The following PCDH15 variants were observed in gnomAD, a reference collection of about 807,000 sequenced individuals.
PCDH15 encodes the protein protocadherin-15.
A neutral mutation model predicts 178.5 loss-of-function variants in PCDH15; 129 were observed. The ratio of observed to expected loss-of-function variants is 0.72; its 90% CI spans 0.63 to 0.84. The LOEUF (loss-of-function observed/expected upper bound fraction) is 0.84. Among genes scored for constraint, PCDH15 ranks in the 40% least tolerant of loss-of-function variants. The probability of loss-of-function intolerance (pLI) is 0.00; values close to 1 mark genes in which losing one functional copy is unlikely to be tolerated. For synonymous variants in PCDH15, 800 were observed against 732.0 expected, an observed-to-expected ratio of 1.09 and a Z score of -1.50; for missense variants, 2,230 against 2,099.9, an observed-to-expected ratio of 1.06 and a Z score of -1.21.
chr10:55,232,186 T>A (rs1311989903), intron 1 of PCDH15, among the ~76,000 whole-genome samples: 2 of 146,176 alleles, frequency 1.4e-5, no homozygotes, highest in Non-Finnish European at 3.1e-5. Context: ...GATGTTAAAC[T>A]TTTTTTAATA....
chr10:54,156,426 G>C (rs1024231180), intron 13 of PCDH15, among the ~76,000 whole-genome samples: 6 of 152,270 alleles, frequency 3.9e-5, no homozygotes, highest in Non-Finnish European at 8.8e-5. Context: ...TGCATCTTAT[G>C]TGGCGGCAGA....
At chr10:53,824,073 T>C (rs927628800) in intron 32 of PCDH15, among the ~76,000 whole-genome samples, 4 of 152,124 alleles carry the variant, frequency 2.6e-5, no homozygotes, top group African/African-American at 7.2e-5. Context: ...AGAAAAGATG[T>C]TGTCAGTAAT....
At chr10:53,943,475 C>G (rs12256780) in intron 23 of PCDH15, among the ~76,000 whole-genome samples, 1 of 148,890 alleles carries the variant, frequency 6.7e-6, no homozygotes, top group Non-Finnish European at 1.5e-5. Flanking sequence ...GTTTAAATCT[C>G]AAAAAAACAA....
At chr10:54,517,301 A>C (rs1386271011) in intron 3 of PCDH15, among the ~76,000 whole-genome samples, 3 of 152,070 alleles carry the variant, frequency 2.0e-5, no homozygotes, top group African/African-American at 2.4e-5. Context: ...TCAGTGTGCT[A>C]TATTCAGGAA....
intron 1 of PCDH15, among the ~76,000 whole-genome samples, chr10:55,313,863 A>G (rs1346865907): frequency 1.3e-5 from 2 of 152,150 alleles, no homozygotes; most frequent in Admixed American, 1.3e-4. Flanking sequence ...GTGTATACCT[A>G]TAAAAATATG....
At chr10:54,697,674 G>GGGAAGGGA (rs201579413) in intron 1 of PCDH15, among the ~76,000 whole-genome samples, 5 of 123,288 alleles carry the variant, frequency 4.1e-5, no homozygotes, top group Admixed American at 1.7e-4. Context: ...AAGGGGGAAG[G>GGGAAGGGA]GGAAGGGAGG....
intron 1 of PCDH15, among the ~76,000 whole-genome samples, chr10:54,695,339 C>G (rs2095205586): frequency 6.6e-6 from 1 of 152,132 alleles, no homozygotes; most frequent in African/African-American, 2.4e-5. Context: ...CCTTAACTCT[C>G]TTAAATTCTG....
chr10:54,092,387 TC>T (rs2094613271), intron 15 of PCDH15, among the ~76,000 whole-genome samples: 1 of 152,174 alleles, frequency 6.6e-6, no homozygotes, highest in African/African-American at 2.4e-5. Context: ...TACTTGTTTT[TC>T]CAGGCCAATT....
At chr10:54,063,202 T>C (rs2094066788) in intron 18 of PCDH15, among the ~76,000 whole-genome samples, 1 of 152,184 alleles carries the variant, frequency 6.6e-6, no homozygotes, top group African/African-American at 2.4e-5. Context: ...TCAGACCCTT[T>C]AGTGGCTCCC....
At chr10:54,696,277 G>C (rs1312913686) in intron 1 of PCDH15, among the ~76,000 whole-genome samples, 1 of 152,030 alleles carries the variant, frequency 6.6e-6, no homozygotes, top group Non-Finnish European at 1.5e-5. Flanking sequence ...AGATGTGGTA[G>C]AAATTGCAAG....
chr10:54,571,622 AT>A (rs1231641732), intron 2 of PCDH15, among the ~76,000 whole-genome samples: 1 of 152,286 alleles, frequency 6.6e-6, no homozygotes, highest in East Asian at 1.9e-4. Context: ...AAATAAAAAA[AT>A]GAAAACCCTG....
chr10:55,611,579 T>C (rs1199426619), intron 2 of PCDH15, among the ~76,000 whole-genome samples: 2 of 152,044 alleles, frequency 1.3e-5, no homozygotes, highest in Non-Finnish European at 2.9e-5. Flanking sequence ...GCAGCCATTA[T>C]GGAAAACAGA....
At chr10:54,958,762 T>C (rs1459483612) in intron 2 of PCDH15, among the ~76,000 whole-genome samples, 1 of 150,532 alleles carries the variant, frequency 6.6e-6, no homozygotes, top group African/African-American at 2.4e-5. Context: ...GAGAAAAGGA[T>C]AGTCAAAAAA....
At chr10:54,099,498 CAAAA>C (rs755057091) in intron 15 of PCDH15, among the ~76,000 whole-genome samples, 1 of 49,994 alleles carries the variant, frequency 2.0e-5, no homozygotes. Flanking sequence ...GACTCCATCT[CAAAA>C]AAAAAAAAAA....
At position 55,259,675 on chromosome 10, in the gene PCDH15, G is replaced by A. The variant is rs1842097539; in HGVS notation, c.-156+59924C>T. Among the ~76,000 whole-genome samples the A allele has an allele frequency of 2.0e-5, 3 of 152,050 alleles. No individual in the cohort carries two copies. In the South Asian group the frequency reaches 6.2e-4, roughly 32 times the overall value. On this transcript the variant is annotated intron_variant, in intron 1 of 5. Transcript: ENST00000458638. ...AATCCCAGCACTTTGGGAGGCTGAG[G>A]TGGGCGGATCACCTGAGGTCAGGAG...
chr10:55,341,762 CATATATAT>C (rs775413614), intron 2 of PCDH15, among the ~76,000 whole-genome samples: 511 of 43,660 alleles, frequency 0.012, 6 homozygotes, highest in East Asian at 0.042. Flanking sequence ...CATACATATG[CATATATAT>C]ATATATATAT....
intron 1 of PCDH15, 93 bp downstream of exon 1, chr10:54,800,832 A>T (rs1952598430): frequency 1.3e-5 from 2 of 152,298 alleles, no homozygotes; most frequent in Middle Eastern, 3.4e-3. Flanking sequence ...CATGACAGAG[A>T]TCATTGTACT....
chr10:53,954,812 G>T (rs1363738688), intron 23 of PCDH15, among the ~76,000 whole-genome samples: 2 of 152,114 alleles, frequency 1.3e-5, no homozygotes, highest in African/African-American at 4.8e-5. Context: ...TCATTCTCTT[G>T]ATATTTTAAG....
At chr10:54,244,968 T>C (rs574407000) in intron 8 of PCDH15, among the ~76,000 whole-genome samples, 54 of 152,334 alleles carry the variant, frequency 3.5e-4, no homozygotes, top group South Asian at 1.2e-3. Context: ...ATGGTTCCCA[T>C]TGTGTGCTCT....
Sources: allele counts gnomAD v4.1 joint callset (sites outside exome capture counted in the v4.1 genomes callset), GRCh38; gene constraint gnomAD v4.1.1; transcripts MANE v1.5; gene names NCBI Gene and HGNC (gene_info 2026-07-23, HGNC 2026-07-21).